Variants in DNAH7 observed in about 807,000 individuals in gnomAD.
DNAH7 encodes the protein dynein axonemal heavy chain 7, also known as axonemal beta dynein heavy chain 7.
Under a neutral mutation model 444.6 loss-of-function variants are expected in DNAH7, and 397 were observed. That is an observed-to-expected ratio of 0.89 (90% CI 0.82 to 0.97). The LOEUF is 0.97. Among genes scored for constraint, DNAH7 ranks in the 50% least tolerant of loss-of-function variants. The pLI, the probability that DNAH7 is intolerant of heterozygous loss-of-function variation, is 0.00. For synonymous variants in DNAH7, 1,636 were observed against 1,624.4 expected, an observed-to-expected ratio of 1.01 and a Z score of -0.17; for missense variants, 4,902 against 4,800.8, an observed-to-expected ratio of 1.02 and a Z score of -0.62.
intron 48 of DNAH7, among the ~76,000 whole-genome samples, chr2:195,828,458 G>A (rs1037841664): frequency 2.0e-5 from 3 of 151,738 alleles, no homozygotes; most frequent in African/African-American, 4.8e-5. Flanking sequence ...GGTGGCTGGC[G>A]CCTGTAGTCC....
At chr2:195,951,364 G>A (rs1559263606) in intron 19 of DNAH7, among the ~76,000 whole-genome samples, 1 of 152,086 alleles carries the variant, frequency 6.6e-6, no homozygotes, top group Non-Finnish European at 1.5e-5. Flanking sequence ...TTCCAATTAT[G>A]TGGCCAAATT....
At chr2:195,988,263 A>G (rs1693058980) in intron 12 of DNAH7, 34 bp from the exon 13 acceptor site, 1 of 1,513,178 alleles carries the variant, frequency 6.6e-7, no homozygotes, top group African/African-American at 1.4e-5. Context: ...AGTATTTAAA[A>G]TATCTTAAAG....
Position 195,771,721 on chromosome 2 carries a change from C to T in DNAH7, c.11372G>A (p.Arg3791Gln), listed in dbSNP as rs760760844. 1.4e-5 allele frequency: 23 copies of T among 1,614,006 alleles called. No homozygotes were observed. The South Asian group carries it at 1.6e-4, about 12-fold the overall frequency. Residue 3791 changes from arginine to glutamine, a missense_variant, in exon 61 of 65, where the codon CGG (arginine) becomes CAG (glutamine). Coordinates refer to ENST00000312428, the MANE Select transcript of DNAH7 (RefSeq NM_018897.3). The stretch of plus-strand genomic sequence containing the variant: ...TATGGTCTTCAGTAACTTATTGAAC[C>T]GTCCCATCTCTTGGACAAGTACAGT... ...MNTVLVQEMGRFNKLLKTIRD... is the reference protein window; with the variant it reads ...MNTVLVQEMGQFNKLLKTIRD...
At chr2:196,018,692 T>C (rs1015030601) in intron 9 of DNAH7, among the ~76,000 whole-genome samples, 4 of 152,068 alleles carry the variant, frequency 2.6e-5, no homozygotes, top group South Asian at 2.1e-4. Context: ...AATAGCAGAA[T>C]TGGGTTAATG....
intron 14 of DNAH7, among the ~76,000 whole-genome samples, chr2:195,985,139 C>T (rs749591370): frequency 1.3e-5 from 2 of 152,048 alleles, no homozygotes; most frequent in Admixed American, 6.5e-5. Context: ...CAGGAACTTC[C>T]AGTAATATGC....
rs341947 is a variant in DNAH7, at chr2:195,884,820, C to A, written c.5539-11G>T. On this transcript the variant is annotated splice_polypyrimidine_tract_variant and intron_variant, in intron 34 of 64. Coordinates refer to ENST00000312428, the MANE Select transcript of DNAH7 (RefSeq NM_018897.3). ...AAACAGAAAAATGCCCTGCATTGGA[C>A]AGATGAGAAGATTAAGAACAATTAA... is the stretch of plus-strand genomic sequence containing the variant. The A allele has an allele frequency of 0.18, 284,441 of 1,597,672 alleles. 33,550 individuals carry two copies. Among genetic ancestry groups the A allele is most frequent in the African/African-American group, 0.61 (45,126 of 74,468 alleles).
At chr2:195,950,783 C>T (rs994181256) in intron 19 of DNAH7, among the ~76,000 whole-genome samples, 1 of 131,670 alleles carries the variant, frequency 7.6e-6, no homozygotes, top group Non-Finnish European at 1.5e-5. Context: ...ACCCAGGAGG[C>T]GAAGCTTGCA....
intron 28 of DNAH7, among the ~76,000 whole-genome samples, chr2:195,898,145 C>T (rs575563800): frequency 6.6e-6 from 1 of 152,252 alleles, no homozygotes; most frequent in African/African-American, 2.4e-5. Context: ...AGTGGGCAAT[C>T]ATTTTGAAAA....
At chr2:195,754,215 G>T in intron 63 of DNAH7, 122 bp downstream of exon 63, 17 of 1,060,624 alleles carry the variant, frequency 1.6e-5, no homozygotes, top group South Asian at 4.0e-5. Flanking sequence ...TTTTTCTCTG[G>T]CATTTAAGGT....
At chr2:195,837,816 C>T (rs1057367834) in intron 47 of DNAH7, among the ~76,000 whole-genome samples, 7 of 152,144 alleles carry the variant, frequency 4.6e-5, no homozygotes, top group Admixed American at 4.6e-4. Flanking sequence ...CCCTGTTGTA[C>T]ACAGAATGTA....
intron 9 of DNAH7, among the ~76,000 whole-genome samples, chr2:196,018,920 C>T (rs529646003): frequency 1.3e-5 from 2 of 152,190 alleles, no homozygotes; most frequent in East Asian, 3.9e-4. Context: ...ACCAAAATAT[C>T]TCATGTACCC....
intron 56 of DNAH7, 78 bp from the exon 57 acceptor site, chr2:195,794,616 G>A: frequency 6.0e-6 from 8 of 1,342,504 alleles, no homozygotes; most frequent in South Asian, 1.2e-5. Context: ...TGAAGGATGA[G>A]TTGGAAGGGG....
intron 5 of DNAH7, among the ~76,000 whole-genome samples, chr2:196,045,723 A>G (rs920684285): frequency 2.0e-5 from 3 of 152,274 alleles, no homozygotes; most frequent in Admixed American, 2.0e-4. Flanking sequence ...TTAAATATGT[A>G]GTTTTAAATG....
chr2:195,971,546 CAGAAA>C, intron 16 of DNAH7, among the ~76,000 whole-genome samples: 1 of 152,192 alleles, frequency 6.6e-6, no homozygotes, highest in East Asian at 1.9e-4. Flanking sequence ...GAGGGCTTCT[CAGAAA>C]AATGAATAGA....
chr2:195,980,335 T>C (rs1018481561), intron 15 of DNAH7, among the ~76,000 whole-genome samples: 2 of 152,164 alleles, frequency 1.3e-5, no homozygotes, highest in Non-Finnish European at 2.9e-5. Flanking sequence ...AAGGACATGT[T>C]TGCTTTCCCT....
chr2:195,976,747 CAGAGAGAG>C (rs60653466), intron 15 of DNAH7, among the ~76,000 whole-genome samples: 2,035 of 90,620 alleles, frequency 0.022, 68 homozygotes, highest in East Asian at 0.11. Context: ...GAGAGGCAGA[CAGAGAGAG>C]AGAGAGAGAG....
chr2:195,921,861 C>A (rs1688047214), intron 24 of DNAH7, among the ~76,000 whole-genome samples: 3 of 135,878 alleles, frequency 2.2e-5, no homozygotes, highest in Admixed American at 2.1e-4. Context: ...TGGACAGCGT[C>A]AACAACAAGT....
At chr2:196,039,301 A>T (rs1450491962) in intron 5 of DNAH7, among the ~76,000 whole-genome samples, 1 of 152,230 alleles carries the variant, frequency 6.6e-6, no homozygotes, top group Non-Finnish European at 1.5e-5. Context: ...ATTTCTTGAA[A>T]CAAATAAAAA....
chr2:195,745,313 TAAA>T (rs1693326880), intron 63 of DNAH7, among the ~76,000 whole-genome samples: 2 of 151,950 alleles, frequency 1.3e-5, no homozygotes, highest in African/African-American at 2.4e-5. Flanking sequence ...GAAAAAAGAA[TAAA>T]AAGAAATGAA....
Sources: gnomAD v4.1 joint callset for allele counts (sites outside exome capture counted in the v4.1 genomes callset) on GRCh38, gnomAD v4.1.1 for gene constraint, MANE v1.5 for transcripts, NCBI Gene and HGNC (gene_info 2026-07-23, HGNC 2026-07-21) for gene names.